RFX7: variants seen among roughly 807,000 people sequenced by gnomAD.
RFX7 encodes the protein regulatory factor X7, also known as DNA-binding protein RFX7.
In RFX7, 26 loss-of-function variants were observed where a neutral mutation model predicts 111.8. The ratio of observed to expected loss-of-function variants is 0.23; its 90% CI spans 0.17 to 0.32. RFX7 has a LOEUF of 0.32. Ranked by LOEUF, RFX7 falls within the 10% of genes least tolerant of loss-of-function variation. RFX7 has a pLI of 1.00. For missense variants in RFX7, 1,573 were observed against 1,772.9 expected, an observed-to-expected ratio of 0.89 and a Z score of 2.02; for synonymous variants, 624 against 624.4, an observed-to-expected ratio of 1.00 and a Z score of 0.01.
Position 56,204,615 on chromosome 15 carries a change from T to C in RFX7, c.162-25312A>G, listed in dbSNP as rs561407087. On this transcript the variant is annotated intron_variant, in intron 2 of 9. Transcript: ENST00000559447. ...TTTAATGTAAAGTCTAATAACTAAA[T>C]GATCAGGAACACCTTTTTGATTTGA... is the stretch of plus-strand genomic sequence containing the variant. 3.3e-5 allele frequency among the ~76,000 whole-genome samples: 5 copies of C among 152,294 alleles called. No individual in the cohort carries two copies. In the East Asian group the frequency reaches 7.7e-4, roughly 24 times the overall value.
rs533966549 is a variant in RFX7, at chr15:56,094,520, T to G, written c.3208A>C (p.Ser1070Arg). The G allele has an allele frequency of 6.2e-7, 1 of 1,613,976 alleles. No homozygotes were observed. Among genetic ancestry groups the G allele is most frequent in the East Asian group, 2.2e-5 (1 of 44,886 alleles). Residue 1070 changes from serine to arginine, a missense_variant, in exon 10 of 10, where the codon AGT becomes CGT. Ser to Arg is a moderately radical substitution (Grantham distance 110). This residue lies in a region of RFX7 where 411 missense variants were observed against 478.1 expected (regional missense o/e 0.86). Transcript: ENST00000559447. Reference sequence around the variant, plus strand: ...GAAACTGATGAATTACCAACCCCACTATACCCATTATTCATCCATTCAAGC... The same window carrying G: ...GAAACTGATGAATTACCAACCCCACGATACCCATTATTCATCCATTCAAGC... ...TKLEWMNNGY[S>R]GVGNSSVSGH... is the part of the protein sequence containing the mutation.
intron 3 of RFX7, among the ~76,000 whole-genome samples, chr15:56,159,044 T>A (rs72738616): frequency 0.13 from 19,737 of 152,110 alleles, 1,678 homozygotes; most frequent in East Asian, 0.44. Flanking sequence ...ACTCTCTATG[T>A]ATGTGAGTTC....
chr15:56,236,280 T>C (rs1413588647), intron 2 of RFX7, among the ~76,000 whole-genome samples: 4 of 152,224 alleles, frequency 2.6e-5, no homozygotes, highest in Non-Finnish European at 4.4e-5. Context: ...TATTTATTTA[T>C]GTGGGTTGAG....
At chr15:56,174,367 T>C (rs540656344) in intron 3 of RFX7, among the ~76,000 whole-genome samples, 16 of 152,218 alleles carry the variant, frequency 1.1e-4, no homozygotes, top group Admixed American at 1.0e-3. Context: ...TATAGCAGAT[T>C]AGATAGTTCA....
chr15:56,130,520 G>A (rs907072247), intron 5 of RFX7, among the ~76,000 whole-genome samples: 29 of 151,902 alleles, frequency 1.9e-4, no homozygotes, highest in African/African-American at 6.5e-4. Flanking sequence ...CAACTCATAT[G>A]CATATCAAAT....
intron 9 of RFX7, among the ~76,000 whole-genome samples, chr15:56,097,745 T>TAAAAAAAAAAAA (rs2041699367): frequency 4.1e-4 from 1 of 2,436 alleles, no homozygotes; most frequent in African/African-American, 1.6e-3. Flanking sequence ...AGACTCTGTC[T>TAAAAAAAAAAAA]CAAAAAAAAA....
At chr15:56,237,182 C>T (rs1181842683) in intron 2 of RFX7, among the ~76,000 whole-genome samples, 8 of 152,176 alleles carry the variant, frequency 5.3e-5, no homozygotes, top group Non-Finnish European at 1.2e-4. Flanking sequence ...GTAAAAATCT[C>T]TCATTTTGTA....
intron 3 of RFX7, among the ~76,000 whole-genome samples, chr15:56,158,239 G>A (rs1462901552): frequency 6.6e-6 from 1 of 152,130 alleles, no homozygotes; most frequent in African/African-American, 2.4e-5. Context: ...TTCCAGATTT[G>A]CCACTCATTA....
chr15:56,126,408 G>A (rs2042146295), intron 5 of RFX7, among the ~76,000 whole-genome samples: 1 of 152,130 alleles, frequency 6.6e-6, no homozygotes, highest in African/African-American at 2.4e-5. Flanking sequence ...AAAGTAGTTG[G>A]AGTGTTTTGC....
At chr15:56,141,656 A>ACTACATATATATATATATATATATAT (rs1555421058) in intron 5 of RFX7, among the ~76,000 whole-genome samples, 1 of 83,210 alleles carries the variant, frequency 1.2e-5, no homozygotes, top group Non-Finnish European at 2.2e-5. Flanking sequence ...GCTTACTCTA[A>ACTACATATATATATATATATATATAT]ATATATATAT....
chr15:56,113,430 G>GT (rs1313633788), intron 5 of RFX7, among the ~76,000 whole-genome samples: 1 of 152,098 alleles, frequency 6.6e-6, no homozygotes, highest in African/African-American at 2.4e-5. Context: ...GTTCTTACTC[G>GT]TAAGTGGGAG....
intron 2 of RFX7, among the ~76,000 whole-genome samples, chr15:56,225,494 C>G (rs923800630): frequency 1.3e-5 from 2 of 152,104 alleles, no homozygotes; most frequent in African/African-American, 4.8e-5. Flanking sequence ...AGATTTTATT[C>G]TATTATTTAA....
chr15:56,160,099 GC>G (rs1201091318), intron 3 of RFX7, among the ~76,000 whole-genome samples: 1 of 152,152 alleles, frequency 6.6e-6, no homozygotes, highest in Admixed American at 6.5e-5. Context: ...GTGGGGAAGG[GC>G]TGATGCTTAT....
rs561130581 is a variant in RFX7 at position 56,132,677 on chromosome 15, G to A, written c.401+10101C>T. On this transcript the variant is annotated intron_variant, in intron 5 of 9. Transcript: ENST00000559447. ...TAATGTTACAAGCTGTGACAAAAGTGTACAGATCAGACTACTTATTTAAAA... is the reference window on the plus strand; with the variant it reads ...TAATGTTACAAGCTGTGACAAAAGTATACAGATCAGACTACTTATTTAAAA... Among the ~76,000 whole-genome samples the A allele has an allele frequency of 2.2e-4, 34 of 152,122 alleles. 1 individual carries two copies. The highest frequency in any genetic ancestry group is 7.9e-4 in the African/African-American group (33 of 41,532).
chr15:56,178,221 A>G (rs2042925671), intron 3 of RFX7, among the ~76,000 whole-genome samples: 1 of 151,182 alleles, frequency 6.6e-6, no homozygotes, highest in South Asian at 2.1e-4. Flanking sequence ...AACAAAAAGA[A>G]GAGTAAATGA....
chr15:56,219,910 AGT>A (rs2043406116), intron 2 of RFX7, among the ~76,000 whole-genome samples: 1 of 152,162 alleles, frequency 6.6e-6, no homozygotes, highest in Non-Finnish European at 1.5e-5. Context: ...GTCATATGGT[AGT>A]TCCGTTTACA....
At chr15:56,110,097 G>A (rs2041895392) in intron 5 of RFX7, among the ~76,000 whole-genome samples, 1 of 133,738 alleles carries the variant, frequency 7.5e-6, no homozygotes, top group South Asian at 2.5e-4. Flanking sequence ...AGGTGGGGGG[G>A]TCAGCCCCCC....
chr15:56,101,219 T>A, intron 8 of RFX7, 140 bp downstream of exon 8: 1 of 663,454 alleles, frequency 1.5e-6, no homozygotes, highest in African/African-American at 1.8e-5. Context: ...CCCATCTGAA[T>A]TTAGTGTTAA....
intron 5 of RFX7, among the ~76,000 whole-genome samples, chr15:56,111,661 C>CAAAAAAAAAAAAAAAAAAAACAAAAAA (rs371681721): frequency 1.0e-5 from 1 of 95,578 alleles, no homozygotes; most frequent in Non-Finnish European, 2.0e-5. Context: ...ATAAATAAAC[C>CAAAAAAAAAAAAAAAAAAAACAAAAAA]AAAAAAAAAA....
Sources: gnomAD v4.1 joint callset for allele counts (sites outside exome capture counted in the v4.1 genomes callset) on GRCh38, gnomAD v4.1.1 for gene constraint, gnomAD v4.1.1 regional missense constraint, MANE v1.5 for transcripts, NCBI Gene and HGNC (gene_info 2026-07-23, HGNC 2026-07-21) for gene names.